COL23A1: variants seen among roughly 807,000 people sequenced by gnomAD.
COL23A1 encodes collagen alpha-1(XXIII) chain.
A neutral mutation model predicts 99.3 loss-of-function variants in COL23A1; 97 were observed. The observed-to-expected ratio is 0.98, with a 90% CI of 0.83 to 1.16. The LOEUF (loss-of-function observed/expected upper bound fraction) is 1.16, where lower values mean the gene tolerates loss of function less well. Ranked by LOEUF, COL23A1 falls within the 50% of genes most tolerant of loss-of-function variation. The probability of loss-of-function intolerance (pLI) is 0.00; values close to 1 mark genes in which losing one functional copy is unlikely to be tolerated. For missense variants in COL23A1, 762 were observed against 757.4 expected (o/e 1.01, Z -0.07); for synonymous variants, 320 against 308.2 (o/e 1.04, Z -0.40).
chr5:178,242,231 C>T (rs922464928), intron 26 of COL23A1, 103 bp from the exon 27 acceptor site: 113 of 1,466,594 alleles, frequency 7.7e-5, no homozygotes, highest in Admixed American at 9.7e-5. Flanking sequence ...CCCCTGCCTC[C>T]GCCCACCTGC....
intron 2 of COL23A1, among the ~76,000 whole-genome samples, chr5:178,521,369 C>T (rs1016466828): frequency 1.1e-4 from 17 of 151,800 alleles, no homozygotes; most frequent in Admixed American, 3.3e-4. Context: ...CTGGCTAACA[C>T]GCTGAAACCC....
chr5:178,548,175 A>G (rs1761813715), intron 2 of COL23A1, among the ~76,000 whole-genome samples: 1 of 150,760 alleles, frequency 6.6e-6, no homozygotes, highest in African/African-American at 2.4e-5. Flanking sequence ...GGCAGCCAGC[A>G]TAGCAGCATC....
intron 11 of COL23A1, 34 bp downstream of exon 11, chr5:178,261,688 C>A: frequency 1.9e-6 from 3 of 1,571,088 alleles, no homozygotes; most frequent in Non-Finnish European, 1.8e-6. Context: ...CCCACCAGAT[C>A]TGGGGAGGGG....
chr5:178,370,595 T>G (rs1174721262), intron 2 of COL23A1, among the ~76,000 whole-genome samples: 1 of 152,154 alleles, frequency 6.6e-6, no homozygotes, highest in African/African-American at 2.4e-5. Flanking sequence ...CAGGGCAAGG[T>G]GGCTCACCTT....
intron 3 of COL23A1, among the ~76,000 whole-genome samples, chr5:178,291,654 C>T (rs774555363): frequency 7.2e-5 from 11 of 152,060 alleles, no homozygotes; most frequent in East Asian, 3.9e-4. Context: ...GGGGAGTCAG[C>T]GAAGGGCTCT....
chr5:178,571,372 A>G (rs1011733254), intron 1 of COL23A1, among the ~76,000 whole-genome samples: 7 of 152,212 alleles, frequency 4.6e-5, no homozygotes, highest in Admixed American at 4.6e-4. Context: ...CTCAGTCTCA[A>G]TAAATAAATA....
At chr5:178,336,608 G>C (rs1260142202) in intron 2 of COL23A1, among the ~76,000 whole-genome samples, 1 of 152,202 alleles carries the variant, frequency 6.6e-6, no homozygotes, top group Non-Finnish European at 1.5e-5. Flanking sequence ...CAGGGGAGGA[G>C]TATCCTTTTG....
chr5:178,450,603 T>C (rs1439982322), intron 2 of COL23A1, among the ~76,000 whole-genome samples: 1 of 152,210 alleles, frequency 6.6e-6, no homozygotes, highest in Non-Finnish European at 1.5e-5. Context: ...TGCTTCACTA[T>C]CTGGAGGTCT....
intron 1 of COL23A1, among the ~76,000 whole-genome samples, chr5:178,567,128 T>C (rs1224412039): frequency 1.3e-5 from 2 of 152,226 alleles, no homozygotes; most frequent in East Asian, 1.9e-4. Flanking sequence ...TGTACACAGA[T>C]AGATACATAC....
At chr5:178,269,430 C>CCCAT (rs1756121950) in intron 6 of COL23A1, among the ~76,000 whole-genome samples, 1 of 64,198 alleles carries the variant, frequency 1.6e-5, no homozygotes, top group Non-Finnish European at 3.3e-5. Context: ...CGTCCATCCA[C>CCCAT]CCACCCACCC....
chr5:178,548,383 T>C (rs1761825036), intron 2 of COL23A1, among the ~76,000 whole-genome samples: 1 of 152,070 alleles, frequency 6.6e-6, no homozygotes, highest in African/African-American at 2.4e-5. Context: ...ATCCTGGTCC[T>C]GCTCTCATCC....
chr5:178,238,736 G>A (rs753654863), intron 28 of COL23A1, 36 bp from the exon 29 acceptor site: 30 of 1,612,006 alleles, frequency 1.9e-5, no homozygotes, highest in Non-Finnish European at 2.4e-5. Context: ...GTGACGAGGA[G>A]CCCGAGAAGC....
At chr5:178,412,517 TG>T (rs1307227810) in intron 2 of COL23A1, among the ~76,000 whole-genome samples, 1 of 152,226 alleles carries the variant, frequency 6.6e-6, no homozygotes, top group Non-Finnish European at 1.5e-5. Flanking sequence ...ACAATGATTT[TG>T]GAATTCTGTA....
intron 2 of COL23A1, among the ~76,000 whole-genome samples, chr5:178,432,814 C>T (rs142281637): frequency 1.3e-5 from 2 of 152,160 alleles, no homozygotes; most frequent in African/African-American, 4.8e-5. Context: ...CCCTGCTCTT[C>T]CTTGAGGTCC....
chr5:178,550,661 A>G (rs543669207), intron 2 of COL23A1, among the ~76,000 whole-genome samples: 3 of 152,308 alleles, frequency 2.0e-5, no homozygotes, highest in African/African-American at 7.2e-5. Flanking sequence ...ATAAGAAGTC[A>G]GGTAAGAAGC....
chr5:178,350,338 G>A (rs902107547), intron 2 of COL23A1, among the ~76,000 whole-genome samples: 2 of 152,146 alleles, frequency 1.3e-5, no homozygotes, highest in Non-Finnish European at 2.9e-5. Flanking sequence ...CTCTTTTAGG[G>A]TCCCAGCAGC....
chr5:178,342,683 T>C (rs1760736400), intron 2 of COL23A1, among the ~76,000 whole-genome samples: 1 of 152,220 alleles, frequency 6.6e-6, no homozygotes, highest in African/African-American at 2.4e-5. Context: ...GGATAATGCC[T>C]CATCCCAATC....
At position 178,245,960 on chromosome 5, in the gene COL23A1, G is replaced by A. The variant is rs371729880; in HGVS notation, c.1422C>T (p.Pro474=). 7.3e-5 allele frequency: 118 copies of A among 1,613,994 alleles called. 1 individual carries two copies. The highest frequency in any genetic ancestry group is 3.3e-4 in the Middle Eastern group (2 of 6,074). ...CACTTACATCTAGTCCTGGCTCCCCGGGTCTGCCCTGAGGAGAGACACAGA... is the reference window on the plus strand; with the variant it reads ...CACTTACATCTAGTCCTGGCTCCCCAGGTCTGCCCTGAGGAGAGACACAGA... The part of the protein sequence containing the change: ...LPGTKGEKGR[P]GEPGLDGFPG... The change falls in exon 25 of 29, where the codon CCC becomes CCT. Residue 474 remains proline, a synonymous_variant. Coordinates refer to ENST00000390654, the MANE Select transcript of COL23A1 (RefSeq NM_173465.4).
At chr5:178,355,286 T>A (rs942437366) in intron 2 of COL23A1, among the ~76,000 whole-genome samples, 2 of 151,882 alleles carry the variant, frequency 1.3e-5, no homozygotes, top group African/African-American at 4.8e-5. Flanking sequence ...TAAAATAAGA[T>A]AAATAAAATA....
Sources: gnomAD v4.1 joint callset for allele counts (sites outside exome capture counted in the v4.1 genomes callset) on GRCh38, gnomAD v4.1.1 for gene constraint, MANE v1.5 for transcripts, NCBI Gene and HGNC (gene_info 2026-07-23, HGNC 2026-07-21) for gene names.